SHOX: variants seen among roughly 807,000 people sequenced by gnomAD.
SHOX encodes the protein short stature homeobox protein.
Under a neutral mutation model 29.6 loss-of-function variants are expected in SHOX, and 12 were observed. The observed-to-expected ratio is 0.41, with a 90% CI of 0.26 to 0.66. The LOEUF (loss-of-function observed/expected upper bound fraction) is 0.66. SHOX is among the 30% of genes least tolerant of loss of function. The pLI is 0.35. For synonymous variants in SHOX, 214 were observed against 200.6 expected, an observed-to-expected ratio of 1.07 and a Z score of -0.57; for missense variants, 499 against 437.7, an observed-to-expected ratio of 1.14 and a Z score of -1.25.
chrX:625,057 T>TCCTCCCTCCCTCCCTCCTTC lies in SHOX; in HGVS notation c.-433+456_-433+475dup, dbSNP rs2052493860. On this transcript the variant is annotated intron_variant, in intron 1 of 5. Transcript: ENST00000334060. ...CCTTTCCTTTCCTCCCTCTGTTCCT[T>TCCTCCCTCCCTCCCTCCTTC]CCTCCCTCCCTCCCTCCTTCTCTCC... Among the ~76,000 whole-genome samples the TCCTCCCTCCCTCCCTCCTTC allele has an allele frequency of 8.2e-5, 8 of 97,166 alleles. No individual in the cohort carries two copies. In the South Asian group the frequency reaches 2.8e-3, roughly 34 times the overall value. 63.7% of individuals were successfully genotyped at this position (97,166 alleles called of 152,430 possible).
At position 651,367 on chromosome X, in the gene SHOX, T is replaced by A. The variant is rs2053059296; in HGVS notation, c.*6731T>A. The A allele has an allele frequency of 2.2e-6, 1 of 454,936 alleles. No homozygotes were observed. Among genetic ancestry groups the A allele is most frequent in the African/African-American group, 2.0e-5 (1 of 49,662 alleles). The allele number at this position is 454,936 out of a possible 1,614,324, so 28.2% of individuals were successfully genotyped here. ...CTTCACATTTCTATCCCTCTGTTAT[T>A]GTCGGCAGGCGGTGAGGGGTAGAAA... On this transcript the variant is annotated 3_prime_UTR_variant, in exon 5 of 5. Transcript: ENST00000686671.
intron 2 of SHOX, among the ~76,000 whole-genome samples, chrX:637,044 A>C (rs1251120641): frequency 6.6e-6 from 1 of 151,250 alleles, no homozygotes; most frequent in African/African-American, 2.4e-5. Context: ...CGTTAGGATT[A>C]AATCAACCCT....
Position 640,971 on chromosome X carries a change from C to T in SHOX, c.545-28C>T, listed in dbSNP as rs372943022. ...GTGCTGGCTACACCCAGGACCACCA[C>T]ACTGACACCTGCTCCCTTTGGACAC... is the stretch of plus-strand genomic sequence containing the variant. On this transcript the variant is annotated intron_variant, in intron 3 of 4. Transcript: ENST00000686671. 2.5e-6 allele frequency: 4 copies of T among 1,613,468 alleles called. No individual in the cohort carries two copies. In the African/African-American group the frequency reaches 4.0e-5, roughly 16 times the overall value.
Position 633,981 on chromosome X carries a change from G to T in SHOX, c.278-637G>T, listed in dbSNP as rs975824141. 1.2e-4 allele frequency among the ~76,000 whole-genome samples: 19 copies of T among 152,362 alleles called. 1 individual carries two copies. Among genetic ancestry groups the T allele is most frequent in the Admixed American group, 1.2e-3 (18 of 15,310 alleles). On this transcript the variant is annotated intron_variant, in intron 1 of 4. Transcript: ENST00000686671. ...AGTGCCATTTTTGGCACACTCTGGT[G>T]GGGTAGGTGCCCGACCGCGTGTGAA...
At chrX:624,865 T>TCTTTCTTTCTTTC (rs1569491647) in intron 1 of SHOX, among the ~76,000 whole-genome samples, 1 of 84,208 alleles carries the variant, frequency 1.2e-5, no homozygotes, top group East Asian at 3.1e-4. Context: ...TTCTTTCTTT[T>TCTTTCTTTCTTTC]CTTTCTTTCT....
At chrX:627,572 T>A (rs60285927), upstream of SHOX, among the ~76,000 whole-genome samples, 6,491 of 152,238 alleles carry the variant, frequency 0.043, 486 homozygotes, top group African/African-American at 0.15. Flanking sequence ...CGGACGTGCG[T>A]GATTTCAAAG....
chrX:638,594 C>G (rs1228815457), intron 2 of SHOX, among the ~76,000 whole-genome samples: 1 of 152,158 alleles, frequency 6.6e-6, no homozygotes, highest in Non-Finnish European at 1.5e-5. Context: ...CGCACTGCAG[C>G]CCGGTAGGAC....
Position 641,043 on chromosome X carries a change from G to A in SHOX, c.589G>A (p.Ala197Thr). The change falls in exon 4 of 5, where the codon GCA becomes ACA. Residue 197 changes from alanine (A) to threonine (T), a missense_variant. Transcript: ENST00000686671. Reference protein sequence around the residue: ...TANHLDACRVAPYVNMGALRM... With the variant: ...TANHLDACRVTPYVNMGALRM... The stretch of plus-strand genomic sequence containing the variant: ...CAACCACCTAGACGCCTGCCGAGTG[G>A]CACCCTACGTCAACATGGGAGCCTT... 1 of 1,613,822 alleles carries A rather than the reference G, an allele frequency of 6.2e-7. No individual in the cohort carries two copies. Among genetic ancestry groups the A allele is most frequent in the African/African-American group, 1.3e-5 (1 of 75,004 alleles).
rs779940223 is a variant in SHOX, at chrX:649,326, C to T, written c.*4690C>T. Among the ~76,000 whole-genome samples the T allele has an allele frequency of 6.8e-4, 103 of 152,246 alleles. No homozygotes were observed. Among genetic ancestry groups the T allele is most frequent in the Admixed American group, 3.1e-3 (47 of 15,288 alleles). On this transcript the variant is annotated 3_prime_UTR_variant, in exon 5 of 5. Transcript: ENST00000686671. ...AGTGCTGGGATTACGGGGTGAGGCACCGCGCCCGGCCTCCTCTCTCTTTTT... is the reference window on the plus strand; with the variant it reads ...AGTGCTGGGATTACGGGGTGAGGCATCGCGCCCGGCCTCCTCTCTCTTTTT...
intron 5 of SHOX, among the ~76,000 whole-genome samples, chrX:657,591 G>A (rs964823566): frequency 2.0e-5 from 3 of 152,134 alleles, no homozygotes; most frequent in Non-Finnish European, 4.4e-5. Flanking sequence ...CAGGATGTAT[G>A]TTTTATCATA....
intron 1 of SHOX, chrX:624,701 T>TTTTCTTTGTTTC (rs1556451345): frequency 5.7e-5 from 6 of 105,372 alleles, no homozygotes; most frequent in Admixed American, 1.1e-4. Flanking sequence ...TTCCTCTTTC[T>TTTTCTTTGTTTC]TTTCTTTCTT....
chrX:626,548 C>T (rs868697115), upstream of SHOX, among the ~76,000 whole-genome samples: 9 of 37,140 alleles, frequency 2.4e-4, no homozygotes, highest in Admixed American at 7.3e-4. Flanking sequence ...CTCTGTCTCT[C>T]TCTCTCCTCT....
Position 649,162 on chromosome X carries a change from C to T in SHOX, c.*4526C>T, listed in dbSNP as rs373989094. ...AAGAAATTCTCCTGCCTCAGCCTCC[C>T]AAGTAGCTGGGATGACAGGCACCCA... On this transcript the variant is annotated 3_prime_UTR_variant, in exon 5 of 5. Coordinates refer to ENST00000686671, the MANE Select transcript of SHOX (RefSeq NM_000451.4). 1.2e-4 allele frequency among the ~76,000 whole-genome samples: 18 copies of T among 152,126 alleles called. 1 individual carries two copies. The South Asian group carries it at 1.9e-3, about 16-fold the overall frequency.
In SHOX at chrX:651,046, C is replaced by A. The variant is rs187354261; in HGVS notation, c.*6410C>A. Among the ~76,000 whole-genome samples, 12 of 151,854 alleles carry A rather than the reference C, an allele frequency of 7.9e-5. No homozygotes were observed. The highest frequency in any genetic ancestry group is 1.6e-4 in the Non-Finnish European group (11 of 67,994). ...TTCAGCCCATTGTACGTGCAGGTCC[C>A]GTGGGAAGGAGGCAAAAGCCCCTGC... On this transcript the variant is annotated 3_prime_UTR_variant, in exon 5 of 5. Coordinates refer to ENST00000686671, the MANE Select transcript of SHOX (RefSeq NM_000451.4).
intron 1 of SHOX, 27 bp from the exon 2 acceptor site, chrX:634,591 G>A (rs763558050): frequency 3.1e-6 from 5 of 1,611,164 alleles, no homozygotes; most frequent in African/African-American, 1.3e-5. Context: ...CCCGGCCTCA[G>A]CCCTGTGCCC....
rs1168937959 is a variant in SHOX at position 641,105 on chromosome X, C to A, written c.633+18C>A. ...TCCAACAGGTAGCTCACTTTTTCTT[C>A]CTCTGAAGATCCCTAGGGACCTGCT... is the stretch of plus-strand genomic sequence containing the variant. On this transcript the variant is annotated intron_variant, in intron 4 of 4. Transcript: ENST00000686671. 1 of 1,611,060 alleles carries A rather than the reference C, an allele frequency of 6.2e-7. No individual in the cohort carries two copies. Among genetic ancestry groups the A allele is most frequent in the East Asian group, 2.2e-5 (1 of 44,850 alleles).
Position 647,041 on chromosome X carries a change from G to T in SHOX, c.*2405G>T, listed in dbSNP as rs1474937662. On this transcript the variant is annotated 3_prime_UTR_variant, in exon 5 of 5. Coordinates refer to ENST00000686671, the MANE Select transcript of SHOX (RefSeq NM_000451.4). ...CCTCCCAAGAAAAAGCTCACTCCACGTGAGTAGAAAGACATCTACCTGGTC... is the reference window on the plus strand; with the variant it reads ...CCTCCCAAGAAAAAGCTCACTCCACTTGAGTAGAAAGACATCTACCTGGTC... 4.6e-5 allele frequency among the ~76,000 whole-genome samples: 7 copies of T among 152,026 alleles called. No individual in the cohort carries two copies. The highest frequency in any genetic ancestry group is 1.7e-4 in the African/African-American group (7 of 41,362).
At chrX:642,928 G>A (rs2052882797) in intron 4 of SHOX, among the ~76,000 whole-genome samples, 1 of 151,302 alleles carries the variant, frequency 6.6e-6, no homozygotes, top group Admixed American at 6.6e-5. Context: ...TGGGGACCTG[G>A]TGACCTTGGA....
Position 631,100 on chromosome X carries a change from T to G in SHOX, c.203T>G (p.Val68Gly), listed in dbSNP as rs1287586365. ...ACGGAGGGCGGCGGCCACTGCCCGG[T>G]GCATTTGTTCAAGGACCACGTAGAC... Reference protein sequence around the residue: ...DITEGGGHCPVHLFKDHVDND... With the variant: ...DITEGGGHCPGHLFKDHVDND... Residue 68 changes from valine (V) to glycine (G), a missense_variant, in exon 1 of 5, where the codon GTG (valine) becomes GGG (glycine). Val to Gly is a moderately radical substitution (Grantham distance 109, BLOSUM62 -3). Coordinates refer to ENST00000686671, the MANE Select transcript of SHOX (RefSeq NM_000451.4). The G allele has an allele frequency of 6.2e-7, 1 of 1,613,528 alleles. No homozygotes were observed. The highest frequency in any genetic ancestry group is 2.2e-5 in the East Asian group (1 of 44,846).
Sources: allele counts gnomAD v4.1 joint callset (sites outside exome capture counted in the v4.1 genomes callset), GRCh38; gene constraint gnomAD v4.1.1; transcripts MANE v1.5; gene names NCBI Gene and HGNC (gene_info 2026-07-23, HGNC 2026-07-21).